The following NALF1 variants were observed in gnomAD, a reference collection of about 807,000 sequenced individuals.
NALF1 encodes family with sequence similarity 155 member A.
A neutral mutation model predicts 48.4 loss-of-function variants in NALF1; 3 were observed. The ratio of observed to expected loss-of-function variants is 0.06; its 90% confidence interval spans 0.03 to 0.16. NALF1 has a LOEUF of 0.16. Ranked by LOEUF, NALF1 falls within the 10% of genes least tolerant of loss-of-function variation. The probability of loss-of-function intolerance (pLI) is 1.00; values close to 1 mark genes in which losing one functional copy is unlikely to be tolerated. For synonymous variants in NALF1, 262 were observed against 245.7 expected, an observed-to-expected ratio of 1.07 and a Z score of -0.62; for missense variants, 526 against 571.5, an observed-to-expected ratio of 0.92 and a Z score of 0.81.
intron 1 of NALF1, among the ~76,000 whole-genome samples, chr13:107,491,400 T>C (rs1177181508): frequency 1.3e-5 from 2 of 152,154 alleles, no homozygotes; most frequent in South Asian, 2.1e-4. Context: ...TTCAGAAGCA[T>C]ATAGGATGCT....
Position 107,362,755 on chromosome 13 carries a change from G to A in NALF1, c.916-152000C>T, listed in dbSNP as rs540882854. ...GAGCTCCTATGATCCAGCAAACACC[G>A]TGTGTGCTTTTACAACTTTCCCATA... On this transcript the variant is annotated intron_variant, in intron 1 of 2. Transcript: ENST00000375915. This position sits in a 1 kb window ranked among gnomAD's most constrained non-coding sequence, Gnocchi z 4.6. Among the ~76,000 whole-genome samples the A allele has an allele frequency of 2.6e-4, 39 of 152,196 alleles. No individual in the cohort carries two copies. Among genetic ancestry groups the A allele is most frequent in the South Asian group, 1.9e-3 (9 of 4,816 alleles).
At chr13:107,402,756 C>T (rs1883830313) in intron 1 of NALF1, among the ~76,000 whole-genome samples, 1 of 152,042 alleles carries the variant, frequency 6.6e-6, no homozygotes, top group African/African-American at 2.4e-5. Context: ...AGTTTCCTTG[C>T]CTAGAAACGG....
intron 1 of NALF1, among the ~76,000 whole-genome samples, 172 bp downstream of exon 1, chr13:107,865,510 C>A (rs1460663241): frequency 6.6e-6 from 1 of 152,100 alleles, no homozygotes; most frequent in Non-Finnish European, 1.5e-5. Context: ...AGTCCACCAG[C>A]AATCCACCAG....
chr13:107,335,311 G>C (rs1331873474), intron 1 of NALF1, among the ~76,000 whole-genome samples: 1 of 152,084 alleles, frequency 6.6e-6, no homozygotes, highest in Non-Finnish European at 1.5e-5. Flanking sequence ...AGTGATACTT[G>C]ACAACTTCTA....
At chr13:107,444,303 G>A in intron 1 of NALF1, among the ~76,000 whole-genome samples, 1 of 152,002 alleles carries the variant, frequency 6.6e-6, no homozygotes, top group Non-Finnish European at 1.5e-5. Flanking sequence ...TCTTTGACTT[G>A]GTCTCTTCAC....
chr13:107,236,868 T>TC (rs1261683973), intron 1 of NALF1, among the ~76,000 whole-genome samples: 1 of 152,210 alleles, frequency 6.6e-6, no homozygotes, highest in Non-Finnish European at 1.5e-5. Flanking sequence ...TTGTCATTAT[T>TC]CCCTAAACAA....
At chr13:107,751,291 C>T (rs1876930855) in intron 1 of NALF1, among the ~76,000 whole-genome samples, 1 of 152,172 alleles carries the variant, frequency 6.6e-6, no homozygotes, top group African/African-American at 2.4e-5. Context: ...ACAGAAGTCA[C>T]ATTTCTGCAC....
chr13:107,833,382 C>T (rs1360560298), intron 1 of NALF1, among the ~76,000 whole-genome samples: 1 of 152,168 alleles, frequency 6.6e-6, no homozygotes, highest in East Asian at 1.9e-4. Context: ...AATGTGCATT[C>T]ATGGGATGAA....
At chr13:107,409,076 C>G (rs969725030) in intron 1 of NALF1, among the ~76,000 whole-genome samples, 4 of 152,128 alleles carry the variant, frequency 2.6e-5, no homozygotes, top group Admixed American at 6.6e-5. Flanking sequence ...GAAAGGAGTT[C>G]TCACATACAG....
chr13:107,459,611 C>A (rs975989726), intron 1 of NALF1, among the ~76,000 whole-genome samples: 1 of 152,096 alleles, frequency 6.6e-6, no homozygotes, highest in African/African-American at 2.4e-5. Flanking sequence ...TATTTGCATT[C>A]CAAGACTTCA....
At chr13:107,246,047 TCTCC>T (rs1262615823) in intron 1 of NALF1, among the ~76,000 whole-genome samples, 1 of 152,102 alleles carries the variant, frequency 6.6e-6, no homozygotes, top group Non-Finnish European at 1.5e-5. Context: ...TCCTCCTCTC[TCTCC>T]GCCCACCCTC....
intron 1 of NALF1, among the ~76,000 whole-genome samples, chr13:107,230,058 C>A (rs1880187465): frequency 6.6e-6 from 1 of 152,200 alleles, no homozygotes; most frequent in Non-Finnish European, 1.5e-5. Flanking sequence ...CAGCTACTGC[C>A]AGGTGACTAT....
At chr13:107,173,726 T>C (rs533127863) in intron 2 of NALF1, among the ~76,000 whole-genome samples, 1 of 152,322 alleles carries the variant, frequency 6.6e-6, no homozygotes, top group South Asian at 2.1e-4. Flanking sequence ...AGGGCGAATT[T>C]CCAAGATGCC....
intron 1 of NALF1, among the ~76,000 whole-genome samples, chr13:107,260,395 T>C (rs1369174445): frequency 6.6e-6 from 1 of 152,226 alleles, no homozygotes; most frequent in Non-Finnish European, 1.5e-5. Flanking sequence ...GGAAATACAG[T>C]ACTGTCACAT....
intron 1 of NALF1, among the ~76,000 whole-genome samples, chr13:107,278,159 T>G (rs1412431744): frequency 6.6e-6 from 1 of 152,212 alleles, no homozygotes; most frequent in Non-Finnish European, 1.5e-5. Flanking sequence ...TTTGTGGTTT[T>G]AAGGATATTT....
intron 1 of NALF1, among the ~76,000 whole-genome samples, chr13:107,638,168 T>C (rs1880036072): frequency 6.9e-6 from 1 of 144,360 alleles, no homozygotes; most frequent in Non-Finnish European, 1.5e-5. Flanking sequence ...GGAGTATATA[T>C]CCCTATCTAT....
At chr13:107,357,507 C>T (rs1050488027) in intron 1 of NALF1, among the ~76,000 whole-genome samples, 2 of 152,052 alleles carry the variant, frequency 1.3e-5, no homozygotes, top group African/African-American at 4.8e-5. Flanking sequence ...TTAGGAGATA[C>T]GTTGTGTTAA....
intron 1 of NALF1, among the ~76,000 whole-genome samples, chr13:107,403,188 C>CTTTTTTTTTTTTTTTTTT (rs10710356): frequency 2.1e-4 from 9 of 42,488 alleles, no homozygotes; most frequent in Non-Finnish European, 3.3e-4. Context: ...CTTGTTCGGG[C>CTTTTTTTTTTTTTTTTTT]TTTTTTTTTT....
Position 107,210,571 on chromosome 13 carries a change from C to A in NALF1, c.1087+13G>T, listed in dbSNP as rs567851353. 4 of 1,598,320 alleles carry A rather than the reference C, an allele frequency of 2.5e-6. No individual in the cohort carries two copies. Among genetic ancestry groups the A allele is most frequent in the Non-Finnish European group, 2.6e-6 (3 of 1,166,122 alleles). ...CCGGAGACTGGTGTACAGACTCCCA[C>A]CCGGCACTGTACCTGTACAGATGAA... On this transcript the variant is annotated intron_variant, in intron 2 of 2. Coordinates refer to ENST00000375915, the MANE Select transcript of NALF1 (RefSeq NM_001080396.3).
Sources: allele counts gnomAD v4.1 joint callset (sites outside exome capture counted in the v4.1 genomes callset), GRCh38; gene constraint gnomAD v4.1.1; non-coding constraint Gnocchi (gnomAD v3.1); transcripts MANE v1.5; gene names NCBI Gene and HGNC (gene_info 2026-07-23, HGNC 2026-07-21).